INPP4B: variants seen among roughly 807,000 people sequenced by gnomAD.
INPP4B encodes inositol polyphosphate 4-phosphatase type II.
A neutral mutation model predicts 122.5 loss-of-function variants in INPP4B; 55 were observed. The ratio of observed to expected loss-of-function variants is 0.45; its 90% CI spans 0.36 to 0.56. INPP4B has a LOEUF of 0.56. Ranked by LOEUF, INPP4B falls within the 20% of genes least tolerant of loss-of-function variation. The probability of loss-of-function intolerance (pLI) is 0.00; values close to 1 mark genes in which losing one functional copy is unlikely to be tolerated. For missense variants in INPP4B, 1,000 were observed against 1,097.7 expected, an observed-to-expected ratio of 0.91 and a Z score of 1.26; for synonymous variants, 403 against 388.7, an observed-to-expected ratio of 1.04 and a Z score of -0.43.
intron 2 of INPP4B, among the ~76,000 whole-genome samples, chr4:142,664,295 C>T (rs917788897): frequency 3.0e-4 from 46 of 152,228 alleles, no homozygotes; most frequent in Non-Finnish European, 3.2e-4. Flanking sequence ...GGCTCACTGG[C>T]CCCTGGTTCT....
chr4:142,623,837 C>T (rs549057897), intron 2 of INPP4B, among the ~76,000 whole-genome samples: 45 of 151,266 alleles, frequency 3.0e-4, no homozygotes, highest in Non-Finnish European at 5.3e-4. Flanking sequence ...TTTGTCCTTG[C>T]GATAGTTTAC....
At chr4:142,028,940 T>G in intron 25 of INPP4B, 26 bp from the exon 26 acceptor site, 1 of 1,601,042 alleles carries the variant, frequency 6.2e-7, no homozygotes, top group Non-Finnish European at 8.5e-7. Flanking sequence ...AAAGTACAAC[T>G]TCATGAAACA....
chr4:142,064,596 C>T (rs1348157320), intron 25 of INPP4B, among the ~76,000 whole-genome samples: 1 of 152,054 alleles, frequency 6.6e-6, no homozygotes, highest in Non-Finnish European at 1.5e-5. Context: ...AAAATTGGTT[C>T]ATTCTTGTGA....
chr4:142,272,533 A>G (rs1190547909), intron 9 of INPP4B, among the ~76,000 whole-genome samples: 3 of 152,064 alleles, frequency 2.0e-5, no homozygotes, highest in Non-Finnish European at 4.4e-5. Context: ...TGAAATTAAT[A>G]TAGAGAGCAA....
At chr4:142,516,815 G>A (rs1288666992) in intron 2 of INPP4B, among the ~76,000 whole-genome samples, 1 of 151,386 alleles carries the variant, frequency 6.6e-6, no homozygotes, top group African/African-American at 2.4e-5. Flanking sequence ...GCATCCCTCT[G>A]TTGAAAGCTA....
chr4:142,264,484 C>A (rs1741816518), intron 10 of INPP4B, among the ~76,000 whole-genome samples: 1 of 152,068 alleles, frequency 6.6e-6, no homozygotes, highest in Admixed American at 6.5e-5. Context: ...TTTTTTCTTT[C>A]TACTACTATG....
At chr4:142,316,300 G>A (rs1262006585) in intron 7 of INPP4B, among the ~76,000 whole-genome samples, 1 of 152,150 alleles carries the variant, frequency 6.6e-6, no homozygotes, top group Non-Finnish European at 1.5e-5. Flanking sequence ...AAGTTTGGTA[G>A]CTGCATTAAC....
At chr4:142,139,103 C>G (rs1561259093) in intron 18 of INPP4B, among the ~76,000 whole-genome samples, 1 of 152,124 alleles carries the variant, frequency 6.6e-6, no homozygotes, top group Non-Finnish European at 1.5e-5. Flanking sequence ...ATGTACTAGA[C>G]TGTAAGGACA....
chr4:142,389,572 G>A (rs556896106), intron 7 of INPP4B, among the ~76,000 whole-genome samples: 1 of 152,278 alleles, frequency 6.6e-6, no homozygotes, highest in East Asian at 1.9e-4. Context: ...ATCATAAACT[G>A]CATGTTTGGC....
At chr4:142,158,621 A>C (rs2152898406) in intron 17 of INPP4B, among the ~76,000 whole-genome samples, 1 of 152,230 alleles carries the variant, frequency 6.6e-6, no homozygotes, top group African/African-American at 2.4e-5. Flanking sequence ...TTTGTTGCAA[A>C]ATGTTGTAAC....
At chr4:142,558,998 G>T (rs143528942) in intron 2 of INPP4B, among the ~76,000 whole-genome samples, 2 of 151,870 alleles carry the variant, frequency 1.3e-5, no homozygotes, top group Non-Finnish European at 2.9e-5. Flanking sequence ...CTGTTAGAAC[G>T]CTGCGAAGCC....
chr4:142,668,932 G>T (rs896328503), intron 2 of INPP4B, among the ~76,000 whole-genome samples: 1 of 152,020 alleles, frequency 6.6e-6, no homozygotes, highest in African/African-American at 2.4e-5. Flanking sequence ...GTGGGCACAT[G>T]TAGTCCCAGC....
chr4:142,098,146 G>C (rs1304723694), intron 23 of INPP4B, among the ~76,000 whole-genome samples: 2 of 152,056 alleles, frequency 1.3e-5, no homozygotes, highest in Non-Finnish European at 2.9e-5. Flanking sequence ...AAGGGGGAAG[G>C]CATTTAAGAT....
intron 1 of INPP4B, among the ~76,000 whole-genome samples, chr4:142,777,913 C>T (rs1222425925): frequency 6.6e-6 from 1 of 152,058 alleles, no homozygotes; most frequent in South Asian, 2.1e-4. Context: ...ATGTGTAAAA[C>T]TCAGTATGAA....
rs138777384 is a variant in INPP4B, at chr4:142,836,719, T to TACACACACAC, written c.-254+9480_-254+9489dup. On this transcript the variant is annotated intron_variant, in intron 1 of 25. Coordinates refer to ENST00000262992, the MANE Select transcript of INPP4B (RefSeq NM_001101669.3). ...TTTAGGTAAATGAAAAAGTACTGTCTACACACACACACACACACACACACA... is the reference window on the plus strand; with the variant it reads ...TTTAGGTAAATGAAAAAGTACTGTCTACACACACACACACACACACACACACACACACACA... 6.4e-3 allele frequency among the ~76,000 whole-genome samples: 939 copies of TACACACACAC among 146,454 alleles called. 16 individuals are homozygous for TACACACACAC. Among genetic ancestry groups the TACACACACAC allele is most frequent in the African/African-American group, 0.018 (730 of 39,868 alleles).
In INPP4B at chr4:142,041,619, AAAT is replaced by A. The variant is rs1344471637; in HGVS notation, c.2643-12708_2643-12706del. On this transcript the variant is annotated intron_variant, in intron 25 of 25. Coordinates refer to ENST00000262992, the MANE Select transcript of INPP4B (RefSeq NM_001101669.3). ...GGCAACAAGAGCAAAACTCCATCTC[AAAT>A]AATACTACTACTACTAATAATAATA... 5.3e-5 allele frequency among the ~76,000 whole-genome samples: 8 copies of A among 151,062 alleles called. No homozygotes were observed. In the East Asian group the frequency reaches 5.8e-4, roughly 11 times the overall value.
chr4:142,362,923 C>T (rs986961600), intron 7 of INPP4B, among the ~76,000 whole-genome samples: 5 of 151,960 alleles, frequency 3.3e-5, no homozygotes, highest in Admixed American at 3.3e-4. Flanking sequence ...CAATGGAAGC[C>T]CAAATCTCAG....
At chr4:142,697,279 T>G (rs1322201987) in intron 2 of INPP4B, among the ~76,000 whole-genome samples, 1 of 152,128 alleles carries the variant, frequency 6.6e-6, no homozygotes, top group Non-Finnish European at 1.5e-5. Flanking sequence ...ACTGTTAGGC[T>G]TTCCCCAACC....
At chr4:142,372,421 T>C (rs1022415789) in intron 7 of INPP4B, among the ~76,000 whole-genome samples, 5 of 152,068 alleles carry the variant, frequency 3.3e-5, no homozygotes, top group Non-Finnish European at 7.4e-5. Flanking sequence ...CACAAAGAAA[T>C]GATGAATGTT....
Sources: gnomAD v4.1 joint callset for allele counts (sites outside exome capture counted in the v4.1 genomes callset) on GRCh38, gnomAD v4.1.1 for gene constraint, MANE v1.5 for transcripts, NCBI Gene and HGNC (gene_info 2026-07-23, HGNC 2026-07-21) for gene names.